BNC2: variants seen among roughly 807,000 people sequenced by gnomAD.
The protein encoded by BNC2 is zinc finger protein basonuclin-2.
A neutral mutation model predicts 76.3 loss-of-function variants in BNC2; 20 were observed. That is an observed-to-expected ratio of 0.26 (90% CI 0.18 to 0.38). The LOEUF is 0.38. Among genes scored for constraint, BNC2 ranks in the 10% least tolerant of loss-of-function variants. The probability of loss-of-function intolerance (pLI) is 1.00; values close to 1 mark genes in which losing one functional copy is unlikely to be tolerated. For synonymous variants in BNC2, 582 were observed against 514.8 expected (o/e 1.13, Z -1.77); for missense variants, 1,382 against 1,399.8 (o/e 0.99, Z 0.20).
chr9:16,570,120 T>C (rs773867071), intron 4 of BNC2, among the ~76,000 whole-genome samples: 11 of 152,166 alleles, frequency 7.2e-5, no homozygotes, highest in Non-Finnish European at 1.6e-4. Flanking sequence ...GGAACATATA[T>C]CTATATAAGA....
intron 3 of BNC2, among the ~76,000 whole-genome samples, chr9:16,670,017 T>C (rs1319060035): frequency 1.3e-5 from 2 of 152,226 alleles, no homozygotes; most frequent in Non-Finnish European, 1.5e-5. Context: ...ACTGCTTTTG[T>C]TAGAAGTTGG....
intron 5 of BNC2, among the ~76,000 whole-genome samples, chr9:16,448,997 C>T (rs1821284887): frequency 6.6e-6 from 1 of 151,946 alleles, no homozygotes; most frequent in Admixed American, 6.6e-5. Flanking sequence ...TTTATTGGGC[C>T]ACAAAAGAGA....
chr9:16,605,955 A>C (rs371288837), intron 3 of BNC2, among the ~76,000 whole-genome samples: 3 of 152,076 alleles, frequency 2.0e-5, no homozygotes, highest in South Asian at 2.1e-4. Flanking sequence ...ATGCCTGGCT[A>C]ACCTTTTCAA....
chr9:16,866,603 A>G (rs1819549377), intron 1 of BNC2, among the ~76,000 whole-genome samples: 1 of 150,146 alleles, frequency 6.7e-6, no homozygotes, highest in African/African-American at 2.5e-5. Context: ...GCAAAAGCCT[A>G]GAAAGCTTAG....
chr9:16,442,881 G>A (rs1307738912), intron 5 of BNC2, among the ~76,000 whole-genome samples: 1 of 151,858 alleles, frequency 6.6e-6, no homozygotes, highest in Admixed American at 6.6e-5. Context: ...AGAGGCAGGC[G>A]GATCACCTGG....
intron 3 of BNC2, among the ~76,000 whole-genome samples, chr9:16,716,403 T>C (rs1823996668): frequency 6.6e-6 from 1 of 152,230 alleles, no homozygotes; most frequent in African/African-American, 2.4e-5. Flanking sequence ...AAATGATTAT[T>C]ACCTAAAAGC....
intron 5 of BNC2, among the ~76,000 whole-genome samples, chr9:16,497,167 C>A (rs1478869319): frequency 6.6e-6 from 1 of 152,180 alleles, no homozygotes; most frequent in Non-Finnish European, 1.5e-5. Flanking sequence ...GCTCTAATAT[C>A]AGAAAGGGGT....
intron 1 of BNC2, among the ~76,000 whole-genome samples, chr9:16,776,212 C>A (rs1825964244): frequency 1.3e-5 from 2 of 151,612 alleles, no homozygotes; most frequent in Admixed American, 1.3e-4. Context: ...CCATCTCGGG[C>A]TCACTGCAAC....
intron 3 of BNC2, among the ~76,000 whole-genome samples, chr9:16,616,781 G>GGAAGGA (rs1820711071): frequency 2.5e-4 from 13 of 52,804 alleles, no homozygotes; most frequent in South Asian, 1.0e-3. Context: ...GAGGGGAGGG[G>GGAAGGA]AGGAAGGAGG....
intron 1 of BNC2, among the ~76,000 whole-genome samples, chr9:16,800,738 G>A (rs1817761031): frequency 6.6e-6 from 1 of 152,116 alleles, no homozygotes; most frequent in South Asian, 2.1e-4. Flanking sequence ...AATGCCCTGT[G>A]ACCCTCTGAG....
At chr9:16,626,201 A>G (rs1416935508) in intron 3 of BNC2, 1 of 152,162 alleles carries the variant, frequency 6.6e-6, no homozygotes, top group African/African-American at 2.4e-5. Context: ...TAAGACCACA[A>G]AAGTGAGGAA....
chr9:16,733,081 T>C (rs969017182), intron 2 of BNC2, among the ~76,000 whole-genome samples: 2 of 152,214 alleles, frequency 1.3e-5, no homozygotes, highest in African/African-American at 4.8e-5. Context: ...ACTTAATATA[T>C]GCAAATTATG....
Position 16,839,923 on chromosome 9 carries a change from A to T in BNC2, c.3+30723T>A, listed in dbSNP as rs1017681756. Among the ~76,000 whole-genome samples, 6 of 152,230 alleles carry T rather than the reference A, an allele frequency of 3.9e-5. No individual in the cohort carries two copies. In the East Asian group the frequency reaches 1.2e-3, roughly 29 times the overall value. On this transcript the variant is annotated intron_variant, in intron 1 of 6. Transcript: ENST00000380672. ...CCCATGACAGTCACCAGAAACTGCT[A>T]AACTAATCCCAGAACTCCTTCCAAT...
intron 5 of BNC2, among the ~76,000 whole-genome samples, chr9:16,451,489 C>T (rs988965609): frequency 1.2e-4 from 18 of 151,326 alleles, no homozygotes; most frequent in Admixed American, 1.2e-3. Context: ...TCTTACCTGG[C>T]ATCTGAAGTC....
intron 1 of BNC2, among the ~76,000 whole-genome samples, chr9:16,739,688 A>T (rs1486419845): frequency 6.6e-6 from 1 of 152,162 alleles, no homozygotes; most frequent in Non-Finnish European, 1.5e-5. Flanking sequence ...ATCAGTCAAT[A>T]ATCTGGGTAA....
At chr9:16,700,011 G>C (rs1405301341) in intron 3 of BNC2, among the ~76,000 whole-genome samples, 1 of 152,094 alleles carries the variant, frequency 6.6e-6, no homozygotes, top group African/African-American at 2.4e-5. Flanking sequence ...CAGTTAAGTT[G>C]ATCCACTTTA....
chr9:16,557,875 T>C (rs1331168648), intron 4 of BNC2, among the ~76,000 whole-genome samples: 2 of 152,032 alleles, frequency 1.3e-5, no homozygotes, highest in East Asian at 3.9e-4. Flanking sequence ...GTTTGTTTTT[T>C]TTTGAGACAG....
chr9:16,503,632 C>T (rs905928353), intron 5 of BNC2, among the ~76,000 whole-genome samples: 1 of 152,082 alleles, frequency 6.6e-6, no homozygotes, highest in East Asian at 1.9e-4. Context: ...TCAAAAAAAT[C>T]TGATTAATGA....
At chr9:16,430,736 G>A (rs1246097713) in intron 6 of BNC2, among the ~76,000 whole-genome samples, 2 of 152,138 alleles carry the variant, frequency 1.3e-5, no homozygotes. Context: ...TAACCCAGAG[G>A]CCTACAAAGG....
Sources: allele counts gnomAD v4.1 joint callset (sites outside exome capture counted in the v4.1 genomes callset), GRCh38; gene constraint gnomAD v4.1.1; transcripts MANE v1.5; gene names NCBI Gene and HGNC (gene_info 2026-07-23, HGNC 2026-07-21).